ZNF275: variants seen among roughly 807,000 people sequenced by gnomAD.
ZNF275 encodes zinc finger protein 275.
In ZNF275, 4 loss-of-function variants were observed where a neutral mutation model predicts 4.3. That is an observed-to-expected ratio of 0.93 (90% CI 0.46 to 2.13). The LOEUF is 2.13. ZNF275 is among the 30% of genes most tolerant of loss of function. ZNF275 has a pLI of 0.02. For missense variants in ZNF275, 352 were observed against 397.1 expected (o/e 0.89, Z 0.97); for synonymous variants, 173 against 166.9 (o/e 1.04, Z -0.28).
chrX:153,335,012 G>A (rs952325534), intron 1 of ZNF275, among the ~76,000 whole-genome samples: 1 of 110,996 alleles, frequency 9.0e-6, no homozygotes, highest in African/African-American at 3.3e-5. Context: ...TTTTTCTGTC[G>A]CCCTACTGGG....
Position 153,347,913 on chromosome X carries a change from T to C in ZNF275, c.1228T>C (p.Cys410Arg). The C allele has an allele frequency of 8.6e-7, 1 of 1,169,453 alleles. No individual in the cohort carries two copies. The highest frequency in any genetic ancestry group is 1.9e-5 in the South Asian group (1 of 51,370). The stretch of plus-strand genomic sequence containing the variant: ...GGCGCGGCGCTGCGAATGCAGCCAG[T>C]GTGGCCGCGTGTTCAAGAGGCGCTC... ...SGARRCECSQ[C>R]GRVFKRRSAL... is the part of the protein sequence containing the mutation. The change falls in exon 4 of 4, where the codon TGT (cysteine) becomes CGT (arginine). Residue 410 changes from cysteine to arginine, a missense_variant. By Grantham distance (180) the Cys-to-Arg change is radical (BLOSUM62 -3). Coordinates refer to ENST00000650114, the MANE Select transcript of ZNF275 (RefSeq NM_001367757.1).
At chrX:153,344,434 A>G in intron 2 of ZNF275, 3 of 267,996 alleles carry the variant, frequency 1.1e-5, no homozygotes, top group South Asian at 7.1e-5. Flanking sequence ...GTTTCCATCC[A>G]GGAAAGTGAT....
chrX:153,346,285 G>A (rs1248534320), intron 3 of ZNF275, among the ~76,000 whole-genome samples: 1 of 109,490 alleles, frequency 9.1e-6, no homozygotes, highest in African/African-American at 3.3e-5. Context: ...TAGTGTTTGG[G>A]GCCCCAGCTG....
intron 3 of ZNF275, 62 bp downstream of exon 3, chrX:153,345,683 G>C: frequency 1.0e-6 from 1 of 972,968 alleles, no homozygotes; most frequent in African/African-American, 1.9e-5. Context: ...ATGGGGCATG[G>C]GTTAGGGTTG....
Position 153,347,833 on chromosome X carries a change from G to A in ZNF275, c.1148G>A (p.Gly383Asp). 2 of 1,209,609 alleles carry A rather than the reference G, an allele frequency of 1.7e-6. No individual in the cohort carries two copies. Among genetic ancestry groups the A allele is most frequent in the Non-Finnish European group, 2.2e-6 (2 of 894,177 alleles). Residue 383 changes from glycine to aspartate, a missense_variant, in exon 4 of 4, where the codon GGC (glycine) becomes GAC (aspartate). Transcript: ENST00000650114. ...AAACCCTATGAGTGCGACAAATGCG[G>A]CAAGGCCTTCCGCCGGAGCTCCGGC... ...GLKPYECDKC[G>D]KAFRRSSGLS...
chrX:153,347,103 G>T lies in ZNF275; in HGVS notation c.418G>T (p.Gly140Trp). 4.1e-6 allele frequency: 5 copies of T among 1,211,583 alleles called. No individual in the cohort carries two copies. The highest frequency in any genetic ancestry group is 3.5e-5 in the South Asian group (2 of 56,955). Reference protein sequence around the residue: ...ECGDCGKVFRGVAEFNEHRKS... With the variant: ...ECGDCGKVFRWVAEFNEHRKS... ...TGGCGACTGCGGGAAGGTCTTTAGG[G>T]GGGTGGCGGAGTTTAATGAGCACAG... Residue 140 changes from glycine (G) to tryptophan (W), a missense_variant, in exon 4 of 4, where the codon GGG becomes TGG. Coordinates refer to ENST00000650114, the MANE Select transcript of ZNF275 (RefSeq NM_001367757.1).
intron 3 of ZNF275, 24 bp from the exon 4 acceptor site, chrX:153,346,795 A>G (rs782572740): frequency 4.3e-6 from 5 of 1,166,489 alleles, no homozygotes; most frequent in Non-Finnish European, 5.7e-6. Flanking sequence ...TGCAGACTAC[A>G]CTGCCTTGTG....
chrX:153,346,386 G>C (rs188462257), intron 3 of ZNF275, among the ~76,000 whole-genome samples: 2 of 109,688 alleles, frequency 1.8e-5, no homozygotes, highest in East Asian at 5.8e-4. Context: ...AGCTCTTGGA[G>C]TTACAGTTAG....
Position 153,347,544 on chromosome X carries a change from C to A in ZNF275, c.859C>A (p.His287Asn). The A allele has an allele frequency of 8.4e-7, 1 of 1,188,479 alleles. No homozygotes were observed. Among genetic ancestry groups the A allele is most frequent in the Admixed American group, 2.3e-5 (1 of 44,195 alleles). The change falls in exon 4 of 4, where the codon CAC becomes AAC. Residue 287 changes from histidine (H) to asparagine (N), a missense_variant. By Grantham distance (68) the His-to-Asn change is moderately conservative (BLOSUM62 1). Coordinates refer to ENST00000650114, the MANE Select transcript of ZNF275 (RefSeq NM_001367757.1). ...VNGLAEHQRIHSGAKPYGCPH... is the reference protein window; with the variant it reads ...VNGLAEHQRINSGAKPYGCPH... ...CGGGCTGGCCGAGCACCAGCGCATC[C>A]ACAGTGGGGCCAAGCCATACGGGTG... is the stretch of plus-strand genomic sequence containing the variant.
At chrX:153,342,152 T>A (rs950069142) in intron 2 of ZNF275, among the ~76,000 whole-genome samples, 5 of 112,359 alleles carry the variant, frequency 4.5e-5, no homozygotes, top group Admixed American at 9.4e-5. Context: ...TCATTTGAGA[T>A]CATTTCTATT....
At chrX:153,341,217 C>T (rs1209425657) in intron 2 of ZNF275, among the ~76,000 whole-genome samples, 2 of 112,498 alleles carry the variant, frequency 1.8e-5, no homozygotes, top group African/African-American at 6.5e-5. Flanking sequence ...TAACTATCCA[C>T]GTGGTTGGGT....
rs995549735 is a variant in ZNF275 at position 153,348,931 on chromosome X, C to T, written c.*956C>T. The T allele has an allele frequency of 8.1e-6, 1 of 123,055 alleles. No homozygotes were observed. The highest frequency in any genetic ancestry group is 1.9e-5 in the Non-Finnish European group (1 of 53,158). 10.1% of individuals were successfully genotyped at this position (123,055 alleles called of 1,213,427 possible). On this transcript the variant is annotated 3_prime_UTR_variant, in exon 4 of 4. Transcript: ENST00000650114. ...ATGTCGGTATCTTTTTTTCTTAAAC[C>T]ATTTCAATTTGGTGTCCCCTATACA...
Position 153,346,823 on chromosome X carries a change from CA to C in ZNF275, c.139del (p.Thr47ProfsTer8). On this transcript the variant is annotated frameshift_variant, in exon 4 of 4. Transcript: ENST00000650114. LOFTEE classifies it low-confidence loss of function (END_TRUNC). ...NTDPAKYSES[T>X]SATRHQMKGE... is the part of the protein sequence containing the mutation. ...GCCTTGTGTTTATCGTTTCAGAAAG[CA>C]CCTCCGCGACCCGACACCAGATGAA... 4.2e-6 allele frequency: 5 copies of C among 1,187,897 alleles called. No homozygotes were observed. Among genetic ancestry groups the C allele is most frequent in the Non-Finnish European group, 5.7e-6 (5 of 882,830 alleles).
chrX:153,345,682 G>T, intron 3 of ZNF275, 61 bp downstream of exon 3: 1 of 990,118 alleles, frequency 1.0e-6, no homozygotes, highest in Non-Finnish European at 1.4e-6. Context: ...TATGGGGCAT[G>T]GGTTAGGGTT....
Position 153,347,741 on chromosome X carries a change from C to G in ZNF275, c.1056C>G (p.Gly352=). The G allele has an allele frequency of 8.3e-7, 1 of 1,209,051 alleles. No homozygotes were observed. Residue 352 remains glycine, a synonymous_variant, in exon 4 of 4, where the codon GGC becomes GGG. Coordinates refer to ENST00000650114, the MANE Select transcript of ZNF275 (RefSeq NM_001367757.1). ...IHSGERPYAC[G]ECGKAFRGPS... ...GTGGCGAGCGGCCCTACGCATGCGG[C>G]GAGTGTGGCAAGGCCTTCCGTGGGC...
Position 153,348,060 on chromosome X carries a change from T to C in ZNF275, c.*85T>C, listed in dbSNP as rs2088532783. The C allele has an allele frequency of 3.2e-6, 3 of 947,087 alleles. No homozygotes were observed. The highest frequency in any genetic ancestry group is 5.5e-5 in the South Asian group (2 of 36,429). The allele number at this position is 947,087 out of a possible 1,213,427, so 78.1% of individuals were successfully genotyped here. A position where few individuals can be genotyped will look rare whatever the true frequency, so the allele number is the denominator to read the frequency against. ...AGGAGATGAACAGTTTTGTAGCGCT[T>C]ATATATTTTGTCTTCCAAAAGGTTG... On this transcript the variant is annotated 3_prime_UTR_variant, in exon 4 of 4. Transcript: ENST00000650114.
In ZNF275 at chrX:153,349,670, A is replaced by G. The variant is rs782491703; in HGVS notation, c.*1695A>G. Reference sequence around the variant, plus strand: ...ATTGCTTCTGTAGCTAGATATGATGACATTTTCTCTAGAATTTTAATTACA... The same window carrying G: ...ATTGCTTCTGTAGCTAGATATGATGGCATTTTCTCTAGAATTTTAATTACA... On this transcript the variant is annotated 3_prime_UTR_variant, in exon 4 of 4. Coordinates refer to ENST00000650114, the MANE Select transcript of ZNF275 (RefSeq NM_001367757.1). 8.1e-6 allele frequency: 1 copy of G among 123,730 alleles called. No homozygotes were observed. Among genetic ancestry groups the G allele is most frequent in the Non-Finnish European group, 1.9e-5 (1 of 53,360 alleles). The allele number at this position is 123,730 out of a possible 1,213,427, so 10.2% of individuals were successfully genotyped here.
At position 153,352,242 on chromosome X, in the gene ZNF275, C is replaced by T. The variant is rs781865187; in HGVS notation, c.*4267C>T. The T allele has an allele frequency of 1.8e-5, 2 of 111,881 alleles. No homozygotes were observed. Among genetic ancestry groups the T allele is most frequent in the African/African-American group, 3.3e-5 (1 of 30,741 alleles). 9.2% of individuals were successfully genotyped at this position (111,881 alleles called of 1,213,427 possible). On this transcript the variant is annotated 3_prime_UTR_variant, in exon 4 of 4. Coordinates refer to ENST00000650114, the MANE Select transcript of ZNF275 (RefSeq NM_001367757.1). ...AGCTTGAGTGGGTCTCTACTCTTTT[C>T]TATTGTGTTTTGCCACTTGGCTGCT...
chrX:153,336,286 T>C (rs2088445320), intron 1 of ZNF275, among the ~76,000 whole-genome samples: 1 of 112,733 alleles, frequency 8.9e-6, no homozygotes, highest in African/African-American at 3.2e-5. Context: ...AGAGACAGAC[T>C]TTCCTGGTGA....
Sources: allele counts gnomAD v4.1 joint callset (sites outside exome capture counted in the v4.1 genomes callset), GRCh38; gene constraint gnomAD v4.1.1; transcripts MANE v1.5; gene names NCBI Gene and HGNC (gene_info 2026-07-23, HGNC 2026-07-21).